Variants in SNAP91 observed in about 807,000 individuals in gnomAD.
SNAP91 encodes synaptosome associated protein 91, also known as clathrin coat assembly protein AP180.
A neutral mutation model predicts 100.3 loss-of-function variants in SNAP91; 27 were observed. That is an observed-to-expected ratio of 0.27 (90% CI 0.20 to 0.37). The LOEUF is 0.37. Among genes scored for constraint, SNAP91 ranks in the 10% least tolerant of loss-of-function variants. The pLI is 1.00. For missense variants in SNAP91, 986 were observed against 1,123.7 expected (o/e 0.88, Z 1.75); for synonymous variants, 404 against 398.6 (o/e 1.01, Z -0.16).
intron 11 of SNAP91, among the ~76,000 whole-genome samples, chr6:83,612,011 G>A (rs966424681): frequency 6.6e-6 from 1 of 151,146 alleles, no homozygotes; most frequent in African/African-American, 2.4e-5. Context: ...ATGAGCCACC[G>A]CGCCAGGCCC....
intron 8 of SNAP91, among the ~76,000 whole-genome samples, chr6:83,627,334 G>C (rs2096977320): frequency 6.6e-6 from 1 of 151,992 alleles, no homozygotes; most frequent in Admixed American, 6.6e-5. Flanking sequence ...GCCTTTGCCA[G>C]ATTTTAGTAT....
intron 8 of SNAP91, among the ~76,000 whole-genome samples, chr6:83,634,031 A>G (rs1024693728): frequency 2.6e-5 from 4 of 152,174 alleles, no homozygotes; most frequent in Non-Finnish European, 5.9e-5. Flanking sequence ...CAGCACACCA[A>G]CATGGCACAT....
At position 83,617,031 on chromosome 6, in the gene SNAP91, G is replaced by A; in HGVS notation, c.816C>T (p.Ser272=). The A allele has an allele frequency of 6.5e-7, 1 of 1,538,364 alleles. No homozygotes were observed. Among genetic ancestry groups the A allele is most frequent in the Non-Finnish European group, 8.8e-7 (1 of 1,140,374 alleles). Residue 272 remains serine (S), a synonymous_variant, in exon 10 of 30, where the codon AGC becomes AGT. Transcript: ENST00000369694. ...GCTGTTCAAGCGTCTCCATAAGACT[G>A]CTGGGAGCCTACAATAAGAAAGTAA... ...GDIPDLTQAP[S]SLMETLEQHL...
chr6:83,672,778 T>TA (rs1339435660), intron 2 of SNAP91, among the ~76,000 whole-genome samples: 2 of 152,162 alleles, frequency 1.3e-5, no homozygotes, highest in African/African-American at 4.8e-5. Flanking sequence ...AATCAACAAA[T>TA]TAGAAAGAGT....
chr6:83,635,896 C>A (rs1032193741), intron 8 of SNAP91, among the ~76,000 whole-genome samples: 4 of 152,226 alleles, frequency 2.6e-5, no homozygotes, highest in African/African-American at 9.6e-5. Flanking sequence ...AATTGCTTGT[C>A]TGGGAAAGAT....
chr6:83,557,578 G>A (rs766714546), intron 28 of SNAP91, among the ~76,000 whole-genome samples: 8 of 152,178 alleles, frequency 5.3e-5, no homozygotes, highest in Non-Finnish European at 1.2e-4. Flanking sequence ...AGAGGCTGAG[G>A]TGAGAGGATC....
intron 26 of SNAP91, among the ~76,000 whole-genome samples, chr6:83,566,740 G>T (rs1385087617): frequency 6.6e-6 from 1 of 152,090 alleles, no homozygotes. Flanking sequence ...ATAATAAAAT[G>T]AAACTAGAGA....
At chr6:83,582,910 T>C (rs926422533) in intron 22 of SNAP91, among the ~76,000 whole-genome samples, 5 of 152,216 alleles carry the variant, frequency 3.3e-5, no homozygotes, top group African/African-American at 1.2e-4. Context: ...ATCCTGTCTC[T>C]AGTCTAGATC....
intron 2 of SNAP91, among the ~76,000 whole-genome samples, chr6:83,676,145 G>T (rs1200807506): frequency 6.6e-6 from 1 of 151,274 alleles, no homozygotes; most frequent in Non-Finnish European, 1.5e-5. Context: ...ATACTTTGTT[G>T]ATTAATATAT....
chr6:83,656,684 C>A, intron 7 of SNAP91, 70 bp downstream of exon 7: 1 of 645,338 alleles, frequency 1.5e-6, no homozygotes, highest in South Asian at 2.2e-5. Flanking sequence ...ACAACAGACT[C>A]ACCCCACAGA....
chr6:83,599,705 T>G (rs1276634288), intron 16 of SNAP91, among the ~76,000 whole-genome samples: 4 of 152,196 alleles, frequency 2.6e-5, no homozygotes, highest in Non-Finnish European at 5.9e-5. Flanking sequence ...TTTATAAATG[T>G]AAGCTAAAAT....
chr6:83,564,068 T>A (rs1000733515), intron 26 of SNAP91, among the ~76,000 whole-genome samples: 2 of 151,880 alleles, frequency 1.3e-5, no homozygotes, highest in Admixed American at 1.3e-4. Flanking sequence ...AAAGAACAAA[T>A]TTGGGGGAAT....
At position 83,649,406 on chromosome 6, in the gene SNAP91, C is replaced by T. The variant is rs191888780; in HGVS notation, c.658+7348G>A. On this transcript the variant is annotated intron_variant, in intron 7 of 29. Coordinates refer to ENST00000369694, the MANE Select transcript of SNAP91 (RefSeq NM_001242792.2). ...AGTGTCCTCACAACTTTACTGCTGG[C>T]TTTCCCTAGAGCAAATGATCTAAGC... Among the ~76,000 whole-genome samples the T allele has an allele frequency of 1.0e-3, 158 of 152,296 alleles. 2 individuals carry two copies. The highest frequency in any genetic ancestry group is 0.01 in the Admixed American group (157 of 15,290).
At chr6:83,574,941 G>T in intron 26 of SNAP91, 69 bp downstream of exon 26, 3 of 994,544 alleles carry the variant, frequency 3.0e-6, no homozygotes, top group Non-Finnish European at 4.6e-6. Flanking sequence ...TTAGCAAAAT[G>T]CACGCTACTT....
At position 83,617,017 on chromosome 6, in the gene SNAP91, G is replaced by A. The variant is rs758802743; in HGVS notation, c.830C>T (p.Thr277Met). 1.6e-5 allele frequency: 25 copies of A among 1,546,858 alleles called. No homozygotes were observed. Among genetic ancestry groups the A allele is most frequent in the South Asian group, 1.1e-4 (9 of 83,566 alleles). Reference protein sequence around the residue: ...LTQAPSSLMETLEQHLNTLEG... With the variant: ...LTQAPSSLMEMLEQHLNTLEG... Reference sequence around the variant, plus strand: ...TAATGTATTTAGATGCTGTTCAAGCGTCTCCATAAGACTGCTGGGAGCCTA... The same window carrying A: ...TAATGTATTTAGATGCTGTTCAAGCATCTCCATAAGACTGCTGGGAGCCTA... Residue 277 changes from threonine (T) to methionine (M), a missense_variant, in exon 10 of 30, where the codon ACG becomes ATG. Transcript: ENST00000369694.
In SNAP91 at chr6:83,676,208, T is replaced by C. The variant is rs984249303; in HGVS notation, c.131-10627A>G. ...GCCTGCTATGTGCCAGGCACTGTTC[T>C]ATCTATCATCTAGATATAATAGCAG... On this transcript the variant is annotated intron_variant, in intron 2 of 29. Coordinates refer to ENST00000369694, the MANE Select transcript of SNAP91 (RefSeq NM_001242792.2). 4.6e-5 allele frequency among the ~76,000 whole-genome samples: 7 copies of C among 152,136 alleles called. No homozygotes were observed. In the East Asian group the frequency reaches 1.2e-3, roughly 25 times the overall value.
intron 4 of SNAP91, among the ~76,000 whole-genome samples, chr6:83,661,849 T>C (rs1474311713): frequency 1.3e-5 from 2 of 152,226 alleles, no homozygotes; most frequent in Non-Finnish European, 2.9e-5. Context: ...AAATTTTCCT[T>C]GAACTTTTGT....
intron 2 of SNAP91, among the ~76,000 whole-genome samples, chr6:83,691,310 C>A (rs567157232): frequency 6.6e-6 from 1 of 152,174 alleles, no homozygotes; most frequent in East Asian, 1.9e-4. Flanking sequence ...ACTAACAGTT[C>A]TTCAAAACAT....
intron 16 of SNAP91, among the ~76,000 whole-genome samples, chr6:83,598,252 T>A (rs1239787546): frequency 6.6e-6 from 1 of 152,206 alleles, no homozygotes; most frequent in African/African-American, 2.4e-5. Flanking sequence ...GCCCTTGCAA[T>A]CCTGTTCTGC....
Sources: allele counts gnomAD v4.1 joint callset (sites outside exome capture counted in the v4.1 genomes callset), GRCh38; gene constraint gnomAD v4.1.1; transcripts MANE v1.5; gene names NCBI Gene and HGNC (gene_info 2026-07-23, HGNC 2026-07-21).